Variants in UNC5D observed in about 807,000 individuals in gnomAD.
UNC5D encodes the protein netrin receptor UNC5D.
UNC5D carries 39 observed loss-of-function variants against 105.4 expected under a neutral mutation model. The observed-to-expected ratio is 0.37, with a 90% CI of 0.29 to 0.48. The LOEUF is 0.48. Among genes scored for constraint, UNC5D ranks in the 20% least tolerant of loss-of-function variants. The probability of loss-of-function intolerance (pLI) is 0.98; values close to 1 mark genes in which losing one functional copy is unlikely to be tolerated. For missense variants in UNC5D, 991 were observed against 1,202.4 expected (o/e 0.82, Z 2.60); for synonymous variants, 452 against 450.4 (o/e 1.00, Z -0.04).
chr8:35,258,085 A>G (rs1482419423), intron 1 of UNC5D, among the ~76,000 whole-genome samples: 1 of 152,184 alleles, frequency 6.6e-6, no homozygotes, highest in African/African-American at 2.4e-5. Context: ...CAAGATATCA[A>G]TGTGCCTGAG....
chr8:35,422,100 T>A (rs1370774583), intron 1 of UNC5D, among the ~76,000 whole-genome samples: 1 of 152,224 alleles, frequency 6.6e-6, no homozygotes, highest in Non-Finnish European at 1.5e-5. Context: ...ACGCTGGGAT[T>A]GTTGCAGTGA....
chr8:35,510,810 C>A (rs1289494624), intron 1 of UNC5D, among the ~76,000 whole-genome samples: 1 of 152,078 alleles, frequency 6.6e-6, no homozygotes, highest in African/African-American at 2.4e-5. Flanking sequence ...CCTTCACTTG[C>A]CAGGAAAATG....
At chr8:35,481,480 C>G (rs764798622) in intron 1 of UNC5D, among the ~76,000 whole-genome samples, 1 of 152,172 alleles carries the variant, frequency 6.6e-6, no homozygotes, top group Admixed American at 6.5e-5. Flanking sequence ...CCTTATAGAA[C>G]AGACTTGTAC....
chr8:35,748,760 C>A, intron 12 of UNC5D, 65 bp downstream of exon 12: 1 of 1,528,084 alleles, frequency 6.5e-7, no homozygotes, highest in Non-Finnish European at 8.8e-7. Flanking sequence ...ATATATTTAA[C>A]CTTAACATCT....
At chr8:35,623,852 A>G (rs2978579) in intron 4 of UNC5D, among the ~76,000 whole-genome samples, 46,831 of 151,906 alleles carry the variant, frequency 0.31, 12,172 homozygotes, top group African/African-American at 0.72. Context: ...AGGCTGAGGC[A>G]GGCGGATCAC....
chr8:35,524,752 T>C (rs1038706865), intron 1 of UNC5D, among the ~76,000 whole-genome samples: 2 of 151,512 alleles, frequency 1.3e-5, no homozygotes, highest in African/African-American at 2.4e-5. Context: ...AGTCAGCTTG[T>C]TACTTTTATT....
chr8:35,352,676 A>C (rs2128911150), intron 1 of UNC5D, among the ~76,000 whole-genome samples: 1 of 152,212 alleles, frequency 6.6e-6, no homozygotes, highest in East Asian at 1.9e-4. Flanking sequence ...ACAGTAGCAC[A>C]ATCTCGGCTC....
intron 9 of UNC5D, chr8:35,724,308 C>G (rs1438631309): frequency 6.5e-7 from 1 of 1,534,772 alleles, no homozygotes; most frequent in East Asian, 2.4e-5. Flanking sequence ...TGCCACTCTC[C>G]CTGCATTTAT....
At chr8:35,613,833 A>G (rs1244094158) in intron 4 of UNC5D, among the ~76,000 whole-genome samples, 2 of 152,208 alleles carry the variant, frequency 1.3e-5, no homozygotes, top group East Asian at 3.9e-4. Context: ...TGGACAACAG[A>G]GCAAAACTGT....
intron 4 of UNC5D, among the ~76,000 whole-genome samples, chr8:35,618,065 A>G (rs565482616): frequency 1.1e-4 from 16 of 152,352 alleles, no homozygotes; most frequent in African/African-American, 3.6e-4. Context: ...GACGATTCAT[A>G]TACTGGCTCA....
At chr8:35,726,655 C>T (rs1243250547) in intron 10 of UNC5D, 126 bp downstream of exon 10, 1 of 1,403,410 alleles carries the variant, frequency 7.1e-7, no homozygotes, top group Non-Finnish European at 9.6e-7. Flanking sequence ...AACACTGCGG[C>T]TCCACTAGTC....
chr8:35,604,874 T>A (rs1242784140), intron 4 of UNC5D, among the ~76,000 whole-genome samples: 1 of 152,346 alleles, frequency 6.6e-6, no homozygotes, highest in Admixed American at 6.5e-5. Flanking sequence ...GTAGTTCTCG[T>A]GCCATGGTTT....
At chr8:35,712,137 G>T (rs1828002044) in intron 8 of UNC5D, among the ~76,000 whole-genome samples, 1 of 152,086 alleles carries the variant, frequency 6.6e-6, no homozygotes. Flanking sequence ...CAGGTGTGGT[G>T]GCAAGTGCCT....
intron 1 of UNC5D, among the ~76,000 whole-genome samples, chr8:35,368,730 G>A (rs1468347654): frequency 3.3e-5 from 5 of 152,056 alleles, no homozygotes; most frequent in African/African-American, 9.7e-5. Flanking sequence ...CCATTGGGAG[G>A]TAATTAGGTC....
At chr8:35,257,751 A>G (rs1163013986) in intron 1 of UNC5D, among the ~76,000 whole-genome samples, 1 of 152,196 alleles carries the variant, frequency 6.6e-6, no homozygotes, top group Admixed American at 6.5e-5. Context: ...CCGCAGGAGA[A>G]TTCATACGTA....
chr8:35,671,991 T>C (rs1027298594), intron 4 of UNC5D, among the ~76,000 whole-genome samples: 3 of 152,214 alleles, frequency 2.0e-5, no homozygotes, highest in Non-Finnish European at 4.4e-5. Flanking sequence ...CATCCATATG[T>C]GTCCCTGCAT....
intron 1 of UNC5D, among the ~76,000 whole-genome samples, chr8:35,285,605 TAG>T (rs1200987079): frequency 6.6e-6 from 1 of 152,210 alleles, no homozygotes; most frequent in African/African-American, 2.4e-5. Context: ...TTCAGGGATC[TAG>T]AAAAAACAAT....
chr8:35,558,540 C>A (rs1816714747), intron 2 of UNC5D, among the ~76,000 whole-genome samples: 1 of 152,124 alleles, frequency 6.6e-6, no homozygotes, highest in Admixed American at 6.5e-5. Context: ...CAGTAAGAGA[C>A]AAATGGAAAA....
chr8:35,773,813 C>T (rs900620564), intron 15 of UNC5D, among the ~76,000 whole-genome samples: 3 of 152,292 alleles, frequency 2.0e-5, no homozygotes, highest in Admixed American at 1.3e-4. Flanking sequence ...ACTTCCACCT[C>T]CCAGGTTCAA....
Sources: gnomAD v4.1 joint callset for allele counts (sites outside exome capture counted in the v4.1 genomes callset) on GRCh38, gnomAD v4.1.1 for gene constraint, MANE v1.5 for transcripts, NCBI Gene and HGNC (gene_info 2026-07-23, HGNC 2026-07-21) for gene names.